Variants in GLI3 observed in about 807,000 individuals in gnomAD.
The protein encoded by GLI3 is GLI family zinc finger 3.
Under a neutral mutation model 100.8 loss-of-function variants are expected in GLI3, and 20 were observed. The ratio of observed to expected loss-of-function variants is 0.20; its 90% confidence interval spans 0.14 to 0.29. The LOEUF (loss-of-function observed/expected upper bound fraction) is 0.29. Among genes scored for constraint, GLI3 ranks in the 10% least tolerant of loss-of-function variants. The pLI is 1.00. For synonymous variants in GLI3, 938 were observed against 860.5 expected, an observed-to-expected ratio of 1.09 and a Z score of -1.58; for missense variants, 2,040 against 2,128.5, an observed-to-expected ratio of 0.96 and a Z score of 0.82.
chr7:42,143,454 TG>T (rs1163221286), intron 3 of GLI3, among the ~76,000 whole-genome samples: 1 of 152,224 alleles, frequency 6.6e-6, no homozygotes, highest in Non-Finnish European at 1.5e-5. Context: ...GAGAGAAGTA[TG>T]AGCAAGTGTA....
chr7:41,982,061 G>C (rs1787684348), intron 10 of GLI3, among the ~76,000 whole-genome samples: 1 of 152,084 alleles, frequency 6.6e-6, no homozygotes, highest in Non-Finnish European at 1.5e-5. Flanking sequence ...AGCATCTTGG[G>C]AATGTTCCCT....
intron 3 of GLI3, among the ~76,000 whole-genome samples, chr7:42,088,651 C>T (rs1785154169): frequency 6.6e-6 from 1 of 152,242 alleles, no homozygotes; most frequent in Non-Finnish European, 1.5e-5. Flanking sequence ...ATGATTCCTG[C>T]AGTCCAGACA....
chr7:42,076,878 A>C (rs1784888916), intron 3 of GLI3, 21 bp from the exon 4 acceptor site: 5 of 1,401,472 alleles, frequency 3.6e-6, no homozygotes, highest in Non-Finnish European at 5.1e-6. Context: ...GAGAGAGCCC[A>C]ATCTATATCA....
At position 41,967,803 on chromosome 7, in the gene GLI3, T is replaced by C; in HGVS notation, c.2224A>G (p.Ser742Gly). The change falls in exon 14 of 15, where the codon AGT becomes GGT. Residue 742 changes from serine to glycine, a missense_variant. Transcript: ENST00000395925. ...LTDGGSIGDLSAIDETPIMDS... is the reference protein window; with the variant it reads ...LTDGGSIGDLGAIDETPIMDS... ...ATGATTGGGGTTTCATCGATGGCACTGAGGTCTCCTATACTACCTCCATCG... is the reference window on the plus strand; with the variant it reads ...ATGATTGGGGTTTCATCGATGGCACCGAGGTCTCCTATACTACCTCCATCG... The C allele has an allele frequency of 6.2e-7, 1 of 1,614,180 alleles. No individual in the cohort carries two copies.
At chr7:42,252,775 A>G (rs897482474) in intron 1 of GLI3, among the ~76,000 whole-genome samples, 5 of 152,196 alleles carry the variant, frequency 3.3e-5, no homozygotes, top group African/African-American at 4.8e-5. Flanking sequence ...CACAAACATA[A>G]CTTTTATATA....
chr7:42,075,962 C>G (rs557079281), intron 4 of GLI3, among the ~76,000 whole-genome samples: 2 of 152,284 alleles, frequency 1.3e-5, no homozygotes, highest in East Asian at 3.9e-4. Context: ...TTGTGCTTTT[C>G]TAACTTTACT....
At chr7:42,178,864 C>CA (rs1173978067) in intron 2 of GLI3, among the ~76,000 whole-genome samples, 2 of 151,896 alleles carry the variant, frequency 1.3e-5, no homozygotes, top group African/African-American at 2.4e-5. Context: ...GTGGATCACA[C>CA]AAAAAATGGA....
Position 42,021,875 on chromosome 7 carries a change from T to C in GLI3, c.1497+1593A>G, listed in dbSNP as rs928612687. Among the ~76,000 whole-genome samples, 3 of 152,242 alleles carry C rather than the reference T, an allele frequency of 2.0e-5. No individual in the cohort carries two copies. The South Asian group carries it at 6.2e-4, about 31-fold the overall frequency. ...TATATCACTAAGGATACACATAGCATATGCTACTCTTTGGGAGTATTTCCC... is the reference window on the plus strand; with the variant it reads ...TATATCACTAAGGATACACATAGCACATGCTACTCTTTGGGAGTATTTCCC... On this transcript the variant is annotated intron_variant, in intron 10 of 14. Transcript: ENST00000395925.
chr7:42,065,559 A>G (rs773632235), intron 4 of GLI3, among the ~76,000 whole-genome samples: 48 of 152,300 alleles, frequency 3.2e-4, no homozygotes, highest in Non-Finnish European at 4.9e-4. Flanking sequence ...CCAGTCATAA[A>G]CCATGCTTCA....
chr7:42,124,738 G>T (rs906175889), intron 3 of GLI3, among the ~76,000 whole-genome samples: 4 of 152,166 alleles, frequency 2.6e-5, no homozygotes, highest in Admixed American at 2.6e-4. Context: ...AAAGTGTCGG[G>T]ACAAAGTTTA....
chr7:42,196,584 C>T (rs187439180), intron 2 of GLI3, among the ~76,000 whole-genome samples: 61 of 152,316 alleles, frequency 4.0e-4, no homozygotes, highest in African/African-American at 1.4e-3. Flanking sequence ...TTAAAGAGGT[C>T]ACCACCTTTG....
chr7:42,241,533 C>A (rs1367217656), upstream of GLI3, among the ~76,000 whole-genome samples: 1 of 152,186 alleles, frequency 6.6e-6, no homozygotes, highest in Non-Finnish European at 1.5e-5. Flanking sequence ...AGTGGTTGGG[C>A]CTGAGCCTCC....
intron 10 of GLI3, among the ~76,000 whole-genome samples, chr7:42,020,312 G>A (rs187026154): frequency 5.3e-5 from 8 of 152,282 alleles, no homozygotes; most frequent in Non-Finnish European, 7.3e-5. Flanking sequence ...AATTCCAACC[G>A]TGCAGCTCAA....
chr7:42,215,413 C>T (rs1160834097), intron 2 of GLI3, among the ~76,000 whole-genome samples: 1 of 152,190 alleles, frequency 6.6e-6, no homozygotes, highest in Non-Finnish European at 1.5e-5. Flanking sequence ...AGCAAGCCCT[C>T]CTCGACCTTG....
At chr7:41,993,462 C>T (rs1583767095) in intron 10 of GLI3, among the ~76,000 whole-genome samples, 1 of 152,204 alleles carries the variant, frequency 6.6e-6, no homozygotes, top group Non-Finnish European at 1.5e-5. Flanking sequence ...TCTCCAAGCC[C>T]TACCCTGCTG....
At chr7:42,023,700 T>C (rs1030767844) in intron 9 of GLI3, 92 bp from the exon 10 acceptor site, 1 of 1,203,140 alleles carries the variant, frequency 8.3e-7, no homozygotes, top group Non-Finnish European at 1.2e-6. Flanking sequence ...AAAAACCCAA[T>C]TTAGATTTGG....
At chr7:42,068,618 G>T (rs76998018) in intron 4 of GLI3, among the ~76,000 whole-genome samples, 5,344 of 152,198 alleles carry the variant, frequency 0.035, 265 homozygotes, top group African/African-American at 0.12. Context: ...GATTTTCCCC[G>T]GGGCAGGGAT....
intron 4 of GLI3, among the ~76,000 whole-genome samples, chr7:42,058,157 G>T (rs1784500280): frequency 1.3e-5 from 2 of 152,086 alleles, no homozygotes; most frequent in Non-Finnish European, 2.9e-5. Flanking sequence ...TGGCACAAAA[G>T]AATATAATGT....
chr7:42,216,570 A>AGT (rs1455927481), intron 2 of GLI3, among the ~76,000 whole-genome samples: 2 of 152,224 alleles, frequency 1.3e-5, no homozygotes, highest in Non-Finnish European at 2.9e-5. Flanking sequence ...AAGAGGGGAA[A>AGT]GTATGTATGA....
Sources: gnomAD v4.1 joint callset for allele counts (sites outside exome capture counted in the v4.1 genomes callset) on GRCh38, gnomAD v4.1.1 for gene constraint, MANE v1.5 for transcripts, NCBI Gene and HGNC (gene_info 2026-07-23, HGNC 2026-07-21) for gene names.